Variants in MAST3 observed in about 807,000 individuals in gnomAD.
The protein encoded by MAST3 is microtubule associated serine/threonine kinase 3, also known as microtubule-associated serine/threonine-protein kinase 3.
Under a neutral mutation model 127.0 loss-of-function variants are expected in MAST3, and 43 were observed. The ratio of observed to expected loss-of-function variants is 0.34; its 90% CI spans 0.27 to 0.44. The LOEUF (loss-of-function observed/expected upper bound fraction) is 0.44, where lower values mean the gene tolerates loss of function less well. Among genes scored for constraint, MAST3 ranks in the 20% least tolerant of loss-of-function variants. MAST3 has a pLI of 1.00. For synonymous variants in MAST3, 785 were observed against 809.2 expected (o/e 0.97, Z 0.51); for missense variants, 1,390 against 1,919.1 (o/e 0.72, Z 5.15).
intron 20 of MAST3, 88 bp downstream of exon 20, chr19:18,139,212 G>T: frequency 1.9e-6 from 2 of 1,050,252 alleles, no homozygotes; most frequent in South Asian, 1.4e-5. Context: ...ATTTTGCTTT[G>T]TTTTGTTCTG....
chr19:18,123,742 C>T lies in MAST3; in HGVS notation c.633+87C>T. 7 of 1,201,118 alleles carry T rather than the reference C, an allele frequency of 5.8e-6. No individual in the cohort carries two copies. The South Asian group carries it at 9.3e-5, about 16-fold the overall frequency. 74.4% of individuals were successfully genotyped at this position (1,201,118 alleles called of 1,614,324 possible). ...TGGAACTCTGTCTTCCTGGCTATGTCCCCTTTGCCAGTCTGTTCATTTCTG... is the reference window on the plus strand; with the variant it reads ...TGGAACTCTGTCTTCCTGGCTATGTTCCCTTTGCCAGTCTGTTCATTTCTG... On this transcript the variant is annotated intron_variant, in intron 8 of 27. Coordinates refer to ENST00000687212, the MANE Select transcript of MAST3 (RefSeq NM_001393504.1).
chr19:18,106,905 A>G (rs2038113024), intron 1 of MAST3, among the ~76,000 whole-genome samples: 1 of 149,604 alleles, frequency 6.7e-6, no homozygotes, highest in Admixed American at 6.7e-5. Flanking sequence ...GGCTCAAGCA[A>G]TCCTCCCACC....
chr19:18,123,406 C>T (rs1297258441), intron 7 of MAST3, 32 bp downstream of exon 7: 4 of 1,587,336 alleles, frequency 2.5e-6, no homozygotes, highest in Non-Finnish European at 2.6e-6. Flanking sequence ...CAGCCCCGGC[C>T]CCTCCCTGGG....
intron 1 of MAST3, among the ~76,000 whole-genome samples, chr19:18,103,609 T>C (rs1415774930): frequency 6.6e-6 from 1 of 152,182 alleles, no homozygotes; most frequent in Non-Finnish European, 1.5e-5. Flanking sequence ...GTGGTTATTA[T>C]TCACGTCTTG....
rs775545026 is a variant in MAST3, at chr19:18,134,967, G to A, written c.1855G>A (p.Gly619Ser). The A allele has an allele frequency of 3.1e-6, 5 of 1,610,574 alleles. No homozygotes were observed. The South Asian group carries it at 4.4e-5, about 14-fold the overall frequency. ...FFGDTPEELF[G>S]QVVSDEIMWP... ...TGGAGATACCCCCGAGGAACTCTTC[G>A]GTCAGGTGGTCAGCGGTGCGTTTCC... The change falls in exon 17 of 28, where the codon GGT (glycine) becomes AGT (serine). Residue 619 changes from glycine to serine, a missense_variant. Physicochemically the swap from Gly to Ser is moderately conservative, Grantham distance 56. Around this residue, in one of 5 missense-constraint regions of MAST3, gnomAD observed 191 missense variants for 409.0 expected, o/e 0.47. Transcript: ENST00000687212.
rs181605561 is a variant in MAST3, at chr19:18,132,068, C to T, written c.1571+21C>T. On this transcript the variant is annotated intron_variant, in intron 15 of 27. Coordinates refer to ENST00000687212, the MANE Select transcript of MAST3 (RefSeq NM_001393504.1). ...GACAAGTGAGCTGAGCTAGCATGAG[C>T]GGGGCCTCGCGGAGGGCGGGGCCAG... The T allele has an allele frequency of 2.4e-5, 39 of 1,612,934 alleles. No homozygotes were observed. In the African/African-American group the frequency reaches 3.7e-4, roughly 15 times the overall value.
intron 1 of MAST3, among the ~76,000 whole-genome samples, chr19:18,099,675 C>T (rs2037392219): frequency 6.6e-6 from 1 of 152,200 alleles, no homozygotes. Context: ...CACAGGCGTC[C>T]CTCCACGAAG....
At chr19:18,124,938 C>CG (rs1555798780) in intron 11 of MAST3, among the ~76,000 whole-genome samples, 164 bp downstream of exon 11, 2,856 of 136,072 alleles carry the variant, frequency 0.021, 90 homozygotes, top group Admixed American at 0.08. Flanking sequence ...GAAACCCCCC[C>CG]CCTACTAAAA....
intron 15 of MAST3, among the ~76,000 whole-genome samples, chr19:18,133,629 C>G (rs1042618344): frequency 6.8e-5 from 10 of 146,204 alleles, no homozygotes; most frequent in African/African-American, 2.5e-4. Flanking sequence ...TCTCGGCTCA[C>G]TGCAACCTCA....
chr19:18,141,057 G>A (rs1398524179), intron 20 of MAST3, among the ~76,000 whole-genome samples: 1 of 152,054 alleles, frequency 6.6e-6, no homozygotes, highest in Non-Finnish European at 1.5e-5. Context: ...GCCTCCCAAA[G>A]TCCTGGGATT....
intron 3 of MAST3, among the ~76,000 whole-genome samples, chr19:18,121,354 G>A (rs1417332847): frequency 6.6e-6 from 1 of 151,794 alleles, no homozygotes; most frequent in East Asian, 2.0e-4. Flanking sequence ...ACGGGGTCTT[G>A]CTATGTTGCC....
At chr19:18,129,169 T>C in intron 13 of MAST3, 1 of 567,644 alleles carries the variant, frequency 1.8e-6, no homozygotes, top group Non-Finnish European at 3.1e-6. Context: ...GGCCTTTACC[T>C]GCCCCAGGTG....
Position 18,130,712 on chromosome 19 carries a change from C to T in MAST3, c.1432+10C>T, listed in dbSNP as rs1317246064. On this transcript the variant is annotated intron_variant, in intron 14 of 27. Transcript: ENST00000687212. ...ATGGAATACGTGGAAGGTACGCTCA[C>T]TGGGGCTTGCATGCCTCCAGCGATG... 1 of 1,611,358 alleles carries T rather than the reference C, an allele frequency of 6.2e-7. No individual in the cohort carries two copies. Among genetic ancestry groups the T allele is most frequent in the African/African-American group, 1.3e-5 (1 of 74,878 alleles).
chr19:18,147,295 G>A lies in MAST3; in HGVS notation c.3327-148G>A, dbSNP rs2043131692. 4.0e-6 allele frequency: 3 copies of A among 754,534 alleles called. No individual in the cohort carries two copies. In the East Asian group the frequency reaches 8.1e-5, roughly 20 times the overall value. The allele number at this position is 754,534 out of a possible 1,614,324, so 46.7% of individuals were successfully genotyped here. A position where few individuals can be genotyped will look rare whatever the true frequency, so the allele number is the denominator to read the frequency against. On this transcript the variant is annotated intron_variant, in intron 26 of 27. Transcript: ENST00000687212. ...TTTTTATATTTTCAGTAGAGACAGG[G>A]TTTCGCCATGTTGGCCAGGCTGGTC...
At chr19:18,098,327 C>G (rs1194646088) in intron 1 of MAST3, among the ~76,000 whole-genome samples, 1 of 151,970 alleles carries the variant, frequency 6.6e-6, no homozygotes, top group Admixed American at 6.6e-5. Flanking sequence ...AACTGAGGCT[C>G]TAGTCCCGGA....
intron 26 of MAST3, 55 bp from the exon 27 acceptor site, chr19:18,147,388 C>A: frequency 1.3e-6 from 2 of 1,520,672 alleles, no homozygotes; most frequent in Non-Finnish European, 1.8e-6. Flanking sequence ...CAGGTGTGAG[C>A]CACCATGCCT....
At chr19:18,142,839 A>G (rs192689574) in intron 21 of MAST3, among the ~76,000 whole-genome samples, 40 of 151,886 alleles carry the variant, frequency 2.6e-4, no homozygotes, top group African/African-American at 9.4e-4. Context: ...GGCCAGGTGC[A>G]GTGACTTACA....
chr19:18,143,011 C>T (rs1208968059), intron 21 of MAST3, among the ~76,000 whole-genome samples: 1 of 151,182 alleles, frequency 6.6e-6, no homozygotes, highest in African/African-American at 2.4e-5. Flanking sequence ...ACTTGGGAGG[C>T]TTAGGCACGA....
At position 18,124,378 on chromosome 19, in the gene MAST3, T is replaced by C. The variant is rs1280681347; in HGVS notation, c.945+12T>C. 8 of 1,586,392 alleles carry C rather than the reference T, an allele frequency of 5.0e-6. No homozygotes were observed. Among genetic ancestry groups the C allele is most frequent in the Admixed American group, 3.6e-5 (2 of 55,628 alleles). On this transcript the variant is annotated intron_variant, in intron 10 of 27. Transcript: ENST00000687212. ...TGCTGGAGTGTCTGGTAAGTTTCTCTTTCTACGGCCAGCTTGGGGTCCAGG... is the reference window on the plus strand; with the variant it reads ...TGCTGGAGTGTCTGGTAAGTTTCTCCTTCTACGGCCAGCTTGGGGTCCAGG...
Sources: gnomAD v4.1 joint callset for allele counts (sites outside exome capture counted in the v4.1 genomes callset) on GRCh38, gnomAD v4.1.1 for gene constraint, gnomAD v4.1.1 regional missense constraint, MANE v1.5 for transcripts, NCBI Gene and HGNC (gene_info 2026-07-23, HGNC 2026-07-21) for gene names.